The following SFSWAP variants were observed in gnomAD, a reference collection of about 807,000 sequenced individuals.
The protein encoded by SFSWAP is splicing factor, suppressor of white-apricot homolog.
Under a neutral mutation model 100.7 loss-of-function variants are expected in SFSWAP, and 17 were observed. The ratio of observed to expected loss-of-function variants is 0.17; its 90% CI spans 0.12 to 0.25. SFSWAP has a LOEUF of 0.25. Ranked by LOEUF, SFSWAP falls within the 10% of genes least tolerant of loss-of-function variation. The probability of loss-of-function intolerance (pLI) is 1.00; values close to 1 mark genes in which losing one functional copy is unlikely to be tolerated. For missense variants in SFSWAP, 1,005 were observed against 1,262.6 expected (o/e 0.80, Z 3.09); for synonymous variants, 504 against 510.1 (o/e 0.99, Z 0.16).
chr12:131,728,379 C>T lies in SFSWAP; in HGVS notation c.1032C>T (p.Asn344=), dbSNP rs542020329. The T allele has an allele frequency of 5.1e-5, 83 of 1,614,234 alleles. No homozygotes were observed. The highest frequency in any genetic ancestry group is 4.3e-4 in the African/African-American group (32 of 75,072). ...ACAGTTCCACTCCCACCCCACACAA[C>T]GCAGACGGTGCGCCTGTGCAGCCCT... ...QADSSTPTPH[N]ADGAPVQPSQ... is the part of the protein sequence containing the mutation. The change falls in exon 7 of 18, where the codon AAC becomes AAT. Residue 344 remains asparagine, a synonymous_variant. Transcript: ENST00000261674.
chr12:131,742,476 G>C (rs932939544), intron 7 of SFSWAP, among the ~76,000 whole-genome samples: 4 of 152,138 alleles, frequency 2.6e-5, no homozygotes, highest in Middle Eastern at 3.4e-3. Context: ...AAGCACAGTG[G>C]GCTAAAATTC....
intron 13 of SFSWAP, among the ~76,000 whole-genome samples, chr12:131,770,045 T>C (rs148225986): frequency 6.3e-4 from 96 of 152,388 alleles, no homozygotes; most frequent in African/African-American, 2.2e-3. Context: ...CAGATGATGA[T>C]AAATGTCTTT....
chr12:131,718,931 A>G (rs1230818917), intron 3 of SFSWAP, among the ~76,000 whole-genome samples: 2 of 152,192 alleles, frequency 1.3e-5, no homozygotes, highest in Non-Finnish European at 2.9e-5. Context: ...GAACAGCAGA[A>G]TCCCGGAGCT....
Position 131,799,128 on chromosome 12 carries a change from C to G in SFSWAP, c.2790+19C>G, listed in dbSNP as rs762082313. 25 of 1,595,318 alleles carry G rather than the reference C, an allele frequency of 1.6e-5. No individual in the cohort carries two copies. The Admixed American group carries it at 4.0e-4, about 26-fold the overall frequency. ...CACTCAGGTCAGTGGGCACGCCCCC[C>G]TCCCGCTCCCAGCCTTTCATCAAGG... is the stretch of plus-strand genomic sequence containing the variant. On this transcript the variant is annotated intron_variant, in intron 17 of 17. Transcript: ENST00000261674.
intron 4 of SFSWAP, among the ~76,000 whole-genome samples, chr12:131,721,051 G>A (rs1263085533): frequency 1.3e-5 from 2 of 152,200 alleles, no homozygotes; most frequent in African/African-American, 4.8e-5. Flanking sequence ...GAGCAGGCAT[G>A]TCTAAGCATG....
Position 131,711,343 on chromosome 12 carries a change from C to T in SFSWAP, c.114C>T (p.Phe38=), listed in dbSNP as rs866948216. ...GGGSRVELLV[F]GYACKLFRDD... ...GCAGCCGAGTGGAGCTCTTGGTTTT[C>T]GGCTATGCCTGCAAGCTGTTCCGGG... The change falls in exon 1 of 18, where the codon TTC becomes TTT. Residue 38 remains phenylalanine, a synonymous_variant. Transcript: ENST00000261674. This position sits in a 1 kb window ranked among gnomAD's most constrained non-coding sequence, Gnocchi z 4.9. 3 of 1,614,008 alleles carry T rather than the reference C, an allele frequency of 1.9e-6. No homozygotes were observed. The highest frequency in any genetic ancestry group is 2.2e-5 in the South Asian group (2 of 91,086).
At chr12:131,797,699 CCAGGTCCCCAGGCTGCCGTGGCTGGAG>C (rs1299647884) in intron 16 of SFSWAP, among the ~76,000 whole-genome samples, 59 of 152,336 alleles carry the variant, frequency 3.9e-4, no homozygotes, top group South Asian at 2.1e-4. Context: ...GGAACTGTCA[CCAGGTCCCCAGGCTGCCGTGGCTGGAG>C]CAGGTCCCCA....
At chr12:131,717,219 G>A (rs138987632) in intron 3 of SFSWAP, among the ~76,000 whole-genome samples, 11 of 152,176 alleles carry the variant, frequency 7.2e-5, no homozygotes, top group African/African-American at 2.2e-4. Flanking sequence ...ATATGTCTAC[G>A]TATGTCTTGA....
intron 15 of SFSWAP, among the ~76,000 whole-genome samples, chr12:131,787,482 GT>G (rs1566058588): frequency 6.6e-6 from 1 of 152,224 alleles, no homozygotes; most frequent in East Asian, 1.9e-4. Flanking sequence ...CAAGGAGCTT[GT>G]TTTGTGTCCC....
chr12:131,770,889 C>T (rs1883533903), intron 13 of SFSWAP, among the ~76,000 whole-genome samples: 1 of 152,174 alleles, frequency 6.6e-6, no homozygotes, highest in South Asian at 2.1e-4. Context: ...TGCTTGCAGC[C>T]TCTGTGAACG....
chr12:131,719,341 A>C (rs1463554057), intron 3 of SFSWAP, 113 bp from the exon 4 acceptor site: 7 of 739,412 alleles, frequency 9.5e-6, no homozygotes, highest in Non-Finnish European at 1.7e-5. Flanking sequence ...GAGTAACAAC[A>C]GAAGGTAAAG....
At chr12:131,736,780 TGG>T (rs1358191964) in intron 7 of SFSWAP, among the ~76,000 whole-genome samples, 1 of 152,132 alleles carries the variant, frequency 6.6e-6, no homozygotes, top group Admixed American at 6.5e-5. Context: ...TATGCGAGTT[TGG>T]GTAGCTTAAT....
chr12:131,779,208 T>TGTGTGTGAAGAGGGCGGTGCGGGTGAGC (rs1884276279), intron 14 of SFSWAP, among the ~76,000 whole-genome samples: 2 of 63,968 alleles, frequency 3.1e-5, no homozygotes, highest in African/African-American at 9.5e-5. Context: ...CGCGGATGAG[T>TGTGTGTGAAGAGGGCGGTGCGGGTGAGC]GTGTGTGAAG....
intron 13 of SFSWAP, among the ~76,000 whole-genome samples, chr12:131,773,073 T>C (rs531481432): frequency 6.6e-6 from 1 of 152,244 alleles, no homozygotes; most frequent in African/African-American, 2.4e-5. Flanking sequence ...GGGCACAGGA[T>C]AGGGGGCAGA....
chr12:131,790,683 A>G (rs1885177772), intron 15 of SFSWAP, among the ~76,000 whole-genome samples: 1 of 152,230 alleles, frequency 6.6e-6, no homozygotes, highest in African/African-American at 2.4e-5. Context: ...AGCAAATACA[A>G]TGAATGATTA....
At chr12:131,736,408 G>A (rs1055618942) in intron 7 of SFSWAP, among the ~76,000 whole-genome samples, 3 of 151,804 alleles carry the variant, frequency 2.0e-5, no homozygotes, top group African/African-American at 7.3e-5. Context: ...TTTAAAAAAT[G>A]AGGGGAAAAA....
chr12:131,728,724 G>A (rs1447548749), intron 7 of SFSWAP, among the ~76,000 whole-genome samples: 1 of 148,538 alleles, frequency 6.7e-6, no homozygotes, highest in Non-Finnish European at 1.5e-5. Context: ...TTTTTGAGGC[G>A]AGGTTTCACT....
chr12:131,719,374 G>A, intron 3 of SFSWAP, 80 bp from the exon 4 acceptor site: 1 of 975,850 alleles, frequency 1.0e-6, no homozygotes, highest in East Asian at 2.5e-5. Context: ...CCAGTCACAT[G>A]CTTCCATCTT....
At chr12:131,784,657 T>A (rs2136268734) in intron 14 of SFSWAP, 1 of 154,186 alleles carries the variant, frequency 6.5e-6, no homozygotes, top group Non-Finnish European at 1.4e-5. Context: ...GGAACTCCTG[T>A]TTCTTGCACC....
Sources: gnomAD v4.1 joint callset for allele counts (sites outside exome capture counted in the v4.1 genomes callset) on GRCh38, gnomAD v4.1.1 for gene constraint, Gnocchi (gnomAD v3.1) non-coding constraint, MANE v1.5 for transcripts, NCBI Gene and HGNC (gene_info 2026-07-23, HGNC 2026-07-21) for gene names.